Variants in ZFPM2 observed in about 807,000 individuals in gnomAD.
ZFPM2 encodes zinc finger protein ZFPM2.
A neutral mutation model predicts 98.6 loss-of-function variants in ZFPM2; 20 were observed. The observed-to-expected ratio is 0.20, with a 90% CI of 0.14 to 0.29. ZFPM2 has a LOEUF of 0.29. Among genes scored for constraint, ZFPM2 ranks in the 10% least tolerant of loss-of-function variants. ZFPM2 has a pLI of 1.00. For synonymous variants in ZFPM2, 518 were observed against 502.7 expected, an observed-to-expected ratio of 1.03 and a Z score of -0.41; for missense variants, 1,310 against 1,388.6, an observed-to-expected ratio of 0.94 and a Z score of 0.90.
intron 3 of ZFPM2, among the ~76,000 whole-genome samples, chr8:105,527,746 T>C (rs1814206536): frequency 6.6e-6 from 1 of 152,174 alleles, no homozygotes; most frequent in African/African-American, 2.4e-5. Context: ...TAATTGGAAA[T>C]GCAGTGTCTC....
At chr8:105,630,305 G>GA (rs1436828881) in intron 4 of ZFPM2, among the ~76,000 whole-genome samples, 4 of 152,108 alleles carry the variant, frequency 2.6e-5, no homozygotes, top group Non-Finnish European at 1.5e-5. Flanking sequence ...GATTTTTCTG[G>GA]AGTGTAGATT....
chr8:105,441,445 A>G (rs1362396404), intron 2 of ZFPM2, among the ~76,000 whole-genome samples: 4 of 110,350 alleles, frequency 3.6e-5, no homozygotes, highest in African/African-American at 1.9e-4. Flanking sequence ...AGAGAGAGAG[A>G]GAGAGAGAGA....
At chr8:105,595,981 AT>A (rs1216280574) in intron 4 of ZFPM2, among the ~76,000 whole-genome samples, 3 of 149,988 alleles carry the variant, frequency 2.0e-5, no homozygotes, top group Non-Finnish European at 4.5e-5. Flanking sequence ...TAGCAAAATT[AT>A]CTGAAATTCT....
intron 5 of ZFPM2, among the ~76,000 whole-genome samples, chr8:105,761,452 G>T (rs1488200966): frequency 6.6e-6 from 1 of 151,956 alleles, no homozygotes; most frequent in Non-Finnish European, 1.5e-5. Context: ...GAATTACAAA[G>T]TCAAGACTAG....
intron 5 of ZFPM2, among the ~76,000 whole-genome samples, chr8:105,646,679 CTG>C (rs1817054390): frequency 1.3e-5 from 2 of 152,094 alleles, no homozygotes; most frequent in Non-Finnish European, 2.9e-5. Flanking sequence ...CCCCAAATAA[CTG>C]TGTATTTAAT....
intron 2 of ZFPM2, among the ~76,000 whole-genome samples, chr8:105,438,233 T>A (rs1812164337): frequency 6.6e-6 from 1 of 152,188 alleles, no homozygotes; most frequent in Non-Finnish European, 1.5e-5. Flanking sequence ...TGTCCCATCA[T>A]GAACTTCTCC....
At chr8:105,586,504 C>T (rs1426664448) in intron 4 of ZFPM2, among the ~76,000 whole-genome samples, 1 of 152,026 alleles carries the variant, frequency 6.6e-6, no homozygotes, top group African/African-American at 2.4e-5. Flanking sequence ...CTCACTGCAA[C>T]CTCTGCCTCC....
At chr8:105,659,782 TCTGTAATAGTTTTA>T (rs1243279407) in intron 5 of ZFPM2, among the ~76,000 whole-genome samples, 1 of 152,230 alleles carries the variant, frequency 6.6e-6, no homozygotes, top group Non-Finnish European at 1.5e-5. Context: ...GATAATAATT[TCTGTAATAGTTTTA>T]CATGAGTTTG....
chr8:105,545,303 T>G (rs1814670895), intron 3 of ZFPM2, among the ~76,000 whole-genome samples: 1 of 152,144 alleles, frequency 6.6e-6, no homozygotes, highest in Admixed American at 6.6e-5. Flanking sequence ...CATTATACAT[T>G]TAATCATTGT....
At chr8:105,552,279 A>AC (rs1277742891) in intron 3 of ZFPM2, among the ~76,000 whole-genome samples, 1 of 152,054 alleles carries the variant, frequency 6.6e-6, no homozygotes, top group African/African-American at 2.4e-5. Flanking sequence ...TAGCTGCTGC[A>AC]CATTCCACTG....
intron 5 of ZFPM2, among the ~76,000 whole-genome samples, chr8:105,772,858 C>T (rs1340289707): frequency 1.3e-5 from 2 of 152,070 alleles, no homozygotes; most frequent in African/African-American, 4.8e-5. Flanking sequence ...ACTTCAGGAA[C>T]CCAGGCTTCT....
At chr8:105,714,170 C>T (rs779050933) in intron 5 of ZFPM2, among the ~76,000 whole-genome samples, 2 of 151,968 alleles carry the variant, frequency 1.3e-5, no homozygotes, top group Non-Finnish European at 2.9e-5. Context: ...AGAGATCTTT[C>T]ACCTCCTTAG....
chr8:105,327,877 C>G (rs530472956), intron 1 of ZFPM2, among the ~76,000 whole-genome samples: 2 of 151,710 alleles, frequency 1.3e-5, no homozygotes, highest in Admixed American at 6.6e-5. Flanking sequence ...CTAGTAGAAG[C>G]TTGTTTAATT....
At chr8:105,552,129 G>A (rs1387902628) in intron 3 of ZFPM2, among the ~76,000 whole-genome samples, 1 of 152,106 alleles carries the variant, frequency 6.6e-6, no homozygotes, top group Non-Finnish European at 1.5e-5. Context: ...TTCCTATCTT[G>A]TCATCGGACA....
rs368437854 is a variant in ZFPM2 at position 105,648,359 on chromosome 8, T to C, written c.532+14002T>C. Among the ~76,000 whole-genome samples the C allele has an allele frequency of 1.1e-3, 161 of 152,306 alleles. 1 individual carries two copies. The highest frequency in any genetic ancestry group is 1.5e-3 in the Non-Finnish European group (99 of 68,016). ...TTCACTCCGATAGTAGTTTCTTTTG[T>C]TGTGCAGAAGCTCTTTAGTTTAATT... On this transcript the variant is annotated intron_variant, in intron 5 of 7. Coordinates refer to ENST00000407775, the MANE Select transcript of ZFPM2 (RefSeq NM_012082.4).
chr8:105,649,764 G>A (rs1246524652), intron 5 of ZFPM2, among the ~76,000 whole-genome samples: 2 of 152,046 alleles, frequency 1.3e-5, no homozygotes, highest in East Asian at 3.9e-4. Context: ...TTTTTGATGT[G>A]CTGCTGGATT....
chr8:105,394,182 C>T (rs1314901599), intron 1 of ZFPM2, among the ~76,000 whole-genome samples: 3 of 152,076 alleles, frequency 2.0e-5, no homozygotes, highest in East Asian at 1.9e-4. Flanking sequence ...CGTGAGCCAC[C>T]GCGCCCAGCC....
chr8:105,335,291 T>C (rs2129640888), intron 1 of ZFPM2, among the ~76,000 whole-genome samples: 1 of 151,906 alleles, frequency 6.6e-6, no homozygotes, highest in South Asian at 2.1e-4. Context: ...TGGAATATTA[T>C]AGGACCATAA....
At chr8:105,714,873 C>A (rs1811481660) in intron 5 of ZFPM2, among the ~76,000 whole-genome samples, 1 of 152,024 alleles carries the variant, frequency 6.6e-6, no homozygotes, top group Non-Finnish European at 1.5e-5. Context: ...TTTCTACAGC[C>A]AGTACACTGT....
Sources: gnomAD v4.1 joint callset for allele counts (sites outside exome capture counted in the v4.1 genomes callset) on GRCh38, gnomAD v4.1.1 for gene constraint, MANE v1.5 for transcripts, NCBI Gene and HGNC (gene_info 2026-07-23, HGNC 2026-07-21) for gene names.